Variants in CHST11 observed in about 807,000 individuals in gnomAD.
CHST11 encodes carbohydrate sulfotransferase 11, also known as C4S-1.
A neutral mutation model predicts 30.4 loss-of-function variants in CHST11; 9 were observed. The ratio of observed to expected loss-of-function variants is 0.30; its 90% CI spans 0.18 to 0.52. The LOEUF (loss-of-function observed/expected upper bound fraction) is 0.52, where lower values mean the gene tolerates loss of function less well. Among genes scored for constraint, CHST11 ranks in the 20% least tolerant of loss-of-function variants. CHST11 has a pLI of 0.97. For missense variants in CHST11, 348 were observed against 460.6 expected, an observed-to-expected ratio of 0.76 and a Z score of 2.24; for synonymous variants, 152 against 187.8, an observed-to-expected ratio of 0.81 and a Z score of 1.56.
chr12:104,709,643 C>T (rs574651744), intron 2 of CHST11, among the ~76,000 whole-genome samples: 56 of 152,206 alleles, frequency 3.7e-4, no homozygotes, highest in Middle Eastern at 6.8e-3. Context: ...CCAGCCCATG[C>T]GGTTCTTTCA....
chr12:104,563,005 G>A (rs2038528314), intron 1 of CHST11, among the ~76,000 whole-genome samples: 1 of 152,054 alleles, frequency 6.6e-6, no homozygotes, highest in African/African-American at 2.4e-5. Flanking sequence ...ACCTCATAGA[G>A]GGTTGTTGTG....
chr12:104,678,659 C>T (rs554497932), intron 2 of CHST11, among the ~76,000 whole-genome samples: 12 of 152,184 alleles, frequency 7.9e-5, no homozygotes, highest in Non-Finnish European at 8.8e-5. Context: ...TTCTGCATAA[C>T]AAAACACCCT....
At chr12:104,591,678 G>T (rs1340629751) in intron 1 of CHST11, 1 of 152,002 alleles carries the variant, frequency 6.6e-6, no homozygotes, top group African/African-American at 2.4e-5. Context: ...GGGCTGGAAA[G>T]CACACCTGTG....
At chr12:104,737,565 A>T (rs1458931197) in intron 2 of CHST11, among the ~76,000 whole-genome samples, 1 of 152,180 alleles carries the variant, frequency 6.6e-6, no homozygotes, top group Non-Finnish European at 1.5e-5. Flanking sequence ...TAGATTAGTT[A>T]GTGAATGATC....
At chr12:104,581,381 C>T (rs1289761276) in intron 1 of CHST11, among the ~76,000 whole-genome samples, 1 of 152,180 alleles carries the variant, frequency 6.6e-6, no homozygotes, top group Non-Finnish European at 1.5e-5. Flanking sequence ...TCAAGCACAG[C>T]TGTGTCAACT....
chr12:104,626,047 G>A (rs1018124193), intron 2 of CHST11, among the ~76,000 whole-genome samples: 3 of 152,274 alleles, frequency 2.0e-5, no homozygotes, highest in African/African-American at 7.2e-5. Context: ...GTGAGGTTCT[G>A]TGGCTCTTCC....
chr12:104,717,316 AT>A (rs954586090), intron 2 of CHST11, among the ~76,000 whole-genome samples: 2 of 152,222 alleles, frequency 1.3e-5, no homozygotes, highest in African/African-American at 4.8e-5. Flanking sequence ...GGAATTCTCC[AT>A]TTAGCTGCCC....
intron 1 of CHST11, among the ~76,000 whole-genome samples, chr12:104,471,091 G>GTAT (rs1333767751): frequency 1.3e-5 from 2 of 152,162 alleles, no homozygotes; most frequent in African/African-American, 2.4e-5. Flanking sequence ...TCTAGTTCAT[G>GTAT]TATTACCTCT....
At chr12:104,547,106 C>T (rs770705608) in intron 1 of CHST11, among the ~76,000 whole-genome samples, 2 of 152,136 alleles carry the variant, frequency 1.3e-5, no homozygotes, top group East Asian at 1.9e-4. Context: ...GGAAGGAATA[C>T]GAGTTTATAG....
chr12:104,481,782 T>TA (rs2037625456), intron 1 of CHST11, among the ~76,000 whole-genome samples: 1 of 150,996 alleles, frequency 6.6e-6, no homozygotes, highest in Non-Finnish European at 1.5e-5. Flanking sequence ...CTTCCTTCTT[T>TA]CCTTCCTTCC....
chr12:104,462,192 GAAAAGAAA>G (rs1361411586), intron 1 of CHST11, among the ~76,000 whole-genome samples: 1 of 127,398 alleles, frequency 7.8e-6, no homozygotes, highest in African/African-American at 3.0e-5. Context: ...AAAAGAAAAA[GAAAAGAAA>G]AAAAGAAAAT....
At chr12:104,576,628 C>T (rs2038686087) in intron 1 of CHST11, among the ~76,000 whole-genome samples, 1 of 152,194 alleles carries the variant, frequency 6.6e-6, no homozygotes, top group Non-Finnish European at 1.5e-5. Flanking sequence ...CCCATGGCTG[C>T]AGTCTCTGGT....
intron 2 of CHST11, among the ~76,000 whole-genome samples, chr12:104,687,390 A>C (rs1009401193): frequency 2.0e-5 from 3 of 152,250 alleles, no homozygotes; most frequent in South Asian, 2.1e-4. Flanking sequence ...GTTCTCATTT[A>C]TTGAGCACTT....
At chr12:104,483,903 G>A (rs1397941338) in intron 1 of CHST11, among the ~76,000 whole-genome samples, 1 of 152,098 alleles carries the variant, frequency 6.6e-6, no homozygotes, top group African/African-American at 2.4e-5. Context: ...AGGTGGGGAC[G>A]TAGTCTCTGT....
At chr12:104,467,877 T>C (rs1345190591) in intron 1 of CHST11, among the ~76,000 whole-genome samples, 2 of 152,222 alleles carry the variant, frequency 1.3e-5, no homozygotes, top group African/African-American at 4.8e-5. Context: ...GGTCACTCAT[T>C]ATAGTGAAAA....
chr12:104,719,418 A>C (rs993297553), intron 2 of CHST11, among the ~76,000 whole-genome samples: 1 of 152,244 alleles, frequency 6.6e-6, no homozygotes, highest in South Asian at 2.1e-4. Flanking sequence ...AAGTCAACAC[A>C]CCATCCACCC....
At chr12:104,603,039 G>C (rs1358287727) in intron 2 of CHST11, among the ~76,000 whole-genome samples, 2 of 152,156 alleles carry the variant, frequency 1.3e-5, no homozygotes, top group African/African-American at 2.4e-5. Context: ...CTTGAGGTGT[G>C]ACTTGGCCAG....
intron 2 of CHST11, among the ~76,000 whole-genome samples, chr12:104,649,702 C>A (rs563388502): frequency 6.6e-6 from 1 of 152,326 alleles, no homozygotes; most frequent in South Asian, 2.1e-4. Context: ...CTCATCTGAA[C>A]AACTGCCCAG....
chr12:104,720,240 A>G (rs950770997), intron 2 of CHST11, among the ~76,000 whole-genome samples: 2 of 152,212 alleles, frequency 1.3e-5, no homozygotes, highest in Non-Finnish European at 2.9e-5. Context: ...CAAGCATTTT[A>G]CCTGCAGAGT....
Sources: gnomAD v4.1 joint callset for allele counts (sites outside exome capture counted in the v4.1 genomes callset) on GRCh38, gnomAD v4.1.1 for gene constraint, MANE v1.5 for transcripts, NCBI Gene and HGNC (gene_info 2026-07-23, HGNC 2026-07-21) for gene names.